The following NDST3 variants were observed in gnomAD, a reference collection of about 807,000 sequenced individuals.
The protein encoded by NDST3 is N-deacetylase and N-sulfotransferase 3, also known as bifunctional heparan sulfate N-deacetylase/N-sulfotransferase 3.
A neutral mutation model predicts 96.1 loss-of-function variants in NDST3; 58 were observed. The ratio of observed to expected loss-of-function variants is 0.60; its 90% CI spans 0.49 to 0.75. The LOEUF (loss-of-function observed/expected upper bound fraction) is 0.75. NDST3 is among the 30% of genes least tolerant of loss of function. The pLI is 0.00. For missense variants in NDST3, 788 were observed against 1,034.2 expected (o/e 0.76, Z 3.27); for synonymous variants, 333 against 359.7 (o/e 0.93, Z 0.84).
chr4:118,250,420 G>A (rs534656804), intron 12 of NDST3, among the ~76,000 whole-genome samples: 87 of 151,070 alleles, frequency 5.8e-4, no homozygotes, highest in African/African-American at 2.1e-3. Flanking sequence ...GATGAATGAT[G>A]TTCAGCAAAT....
At chr4:118,245,095 C>A (rs544016783) in intron 12 of NDST3, among the ~76,000 whole-genome samples, 1 of 152,148 alleles carries the variant, frequency 6.6e-6, no homozygotes, top group East Asian at 1.9e-4. Context: ...TTGAAGCAAT[C>A]ATTTGAAATA....
chr4:118,126,025 T>A (rs1419954940), intron 4 of NDST3, among the ~76,000 whole-genome samples: 3 of 152,054 alleles, frequency 2.0e-5, no homozygotes, highest in African/African-American at 7.2e-5. Flanking sequence ...TTGCGGCTAC[T>A]ACAGGACTCC....
In NDST3 at chr4:118,062,330, G is replaced by A. The variant is rs74853634; in HGVS notation, c.981+7439G>A. On this transcript the variant is annotated intron_variant, in intron 2 of 13. Coordinates refer to ENST00000296499, the MANE Select transcript of NDST3 (RefSeq NM_004784.3). ...ATATATCCATTGCTGCTCACACTGGGAAGATTGGTCCTCCCTGGAAGTCAC... is the reference window on the plus strand; with the variant it reads ...ATATATCCATTGCTGCTCACACTGGAAAGATTGGTCCTCCCTGGAAGTCAC... Among the ~76,000 whole-genome samples the A allele has an allele frequency of 4.7e-4, 72 of 152,096 alleles. 1 individual carries two copies. In the East Asian group the frequency reaches 0.012, roughly 26 times the overall value.
chr4:118,241,923 G>A (rs531354260), intron 11 of NDST3, 117 bp from the exon 12 acceptor site: 5 of 633,506 alleles, frequency 7.9e-6, no homozygotes, highest in Non-Finnish European at 1.4e-5. Flanking sequence ...TAACACCAAT[G>A]CATGCAATTC....
At chr4:118,225,166 A>G (rs1014807913) in intron 7 of NDST3, among the ~76,000 whole-genome samples, 6 of 152,168 alleles carry the variant, frequency 3.9e-5, no homozygotes, top group Admixed American at 3.9e-4. Flanking sequence ...TTAATTGGGG[A>G]TTAATATGGG....
At chr4:118,104,889 T>C in intron 2 of NDST3, 129 bp from the exon 3 acceptor site, 1 of 626,326 alleles carries the variant, frequency 1.6e-6, no homozygotes, top group Non-Finnish European at 2.7e-6. Flanking sequence ...AAAGAAACTA[T>C]TTTCCACCAT....
intron 6 of NDST3, among the ~76,000 whole-genome samples, chr4:118,148,997 T>C (rs1734170467): frequency 6.6e-6 from 1 of 152,092 alleles, no homozygotes; most frequent in African/African-American, 2.4e-5. Flanking sequence ...CCCAGCACCA[T>C]TTATTAAATA....
chr4:118,126,574 C>T (rs1166718362), intron 4 of NDST3, among the ~76,000 whole-genome samples: 2 of 143,900 alleles, frequency 1.4e-5, no homozygotes, highest in Non-Finnish European at 3.0e-5. Flanking sequence ...ATATACCTCA[C>T]TTTCTTTATC....
chr4:118,152,687 C>G (rs946273110), intron 6 of NDST3, among the ~76,000 whole-genome samples: 5 of 152,158 alleles, frequency 3.3e-5, no homozygotes, highest in African/African-American at 4.8e-5. Context: ...ATGCTTTTCA[C>G]ATGTCTAACT....
chr4:118,134,905 G>C (rs1732945549), intron 4 of NDST3, among the ~76,000 whole-genome samples: 1 of 152,120 alleles, frequency 6.6e-6, no homozygotes, highest in African/African-American at 2.4e-5. Context: ...AGACTAATTA[G>C]AATTAACTTT....
intron 6 of NDST3, among the ~76,000 whole-genome samples, chr4:118,152,285 T>C (rs1394137080): frequency 6.6e-6 from 1 of 152,156 alleles, no homozygotes; most frequent in Admixed American, 6.5e-5. Context: ...TGAGTTGATA[T>C]AGTTTAAAGA....
In NDST3 at chr4:118,227,080, TAATGA is replaced by T. The variant is rs1739934400; in HGVS notation, c.1819+100_1819+104del. 1.0e-5 allele frequency: 8 copies of T among 765,834 alleles called. No individual in the cohort carries two copies. In the South Asian group the frequency reaches 1.3e-4, roughly 13 times the overall value. 47.4% of individuals were successfully genotyped at this position (765,834 alleles called of 1,614,324 possible). On this transcript the variant is annotated intron_variant, in intron 8 of 13. Transcript: ENST00000296499. ...AAGTTCGTAAACTTCCCATAACTGC[TAATGA>T]ATGAATAACATGTTTTTCTCTGACA...
At chr4:118,134,706 G>A (rs1007722265) in intron 4 of NDST3, among the ~76,000 whole-genome samples, 1 of 152,166 alleles carries the variant, frequency 6.6e-6, no homozygotes, top group South Asian at 2.1e-4. Flanking sequence ...GGGCTGAGAT[G>A]TGGAAATCAT....
Position 118,054,385 on chromosome 4 carries a change from G to A in NDST3, c.475G>A (p.Val159Met). 1.2e-6 allele frequency: 2 copies of A among 1,613,072 alleles called. No individual in the cohort carries two copies. Among genetic ancestry groups the A allele is most frequent in the Non-Finnish European group, 1.7e-6 (2 of 1,179,410 alleles). The change falls in exon 2 of 14, where the codon GTG (valine) becomes ATG (methionine). Residue 159 changes from valine (V) to methionine (M), a missense_variant. By Grantham distance (21) the Val-to-Met change is conservative. Around this residue, in one of 3 missense-constraint regions of NDST3, gnomAD observed 234 missense variants for 256.9 expected, o/e 0.91. Transcript: ENST00000296499. ...LLDKYCVEYG[V>M]GVIGFHKTSE... The stretch of plus-strand genomic sequence containing the variant: ...AGATAAATACTGTGTAGAATATGGT[G>A]TGGGTGTCATTGGATTCCACAAAAC...
intron 6 of NDST3, among the ~76,000 whole-genome samples, chr4:118,223,140 T>C (rs759514552): frequency 2.0e-5 from 3 of 151,838 alleles, no homozygotes; most frequent in African/African-American, 4.8e-5. Context: ...CACTGAAAAA[T>C]GTGGCATGTA....
chr4:118,042,849 C>T (rs1011860584), intron 1 of NDST3, among the ~76,000 whole-genome samples: 1 of 141,906 alleles, frequency 7.0e-6, no homozygotes, highest in Admixed American at 7.6e-5. Context: ...ACTGACTTTA[C>T]TAAGCTTCAC....
intron 6 of NDST3, among the ~76,000 whole-genome samples, chr4:118,157,958 T>C (rs1482173803): frequency 6.6e-6 from 1 of 152,158 alleles, no homozygotes; most frequent in Non-Finnish European, 1.5e-5. Context: ...AAATATAAAC[T>C]TTATTAATAA....
intron 8 of NDST3, among the ~76,000 whole-genome samples, chr4:118,231,319 G>A (rs1740274853): frequency 6.9e-6 from 1 of 144,952 alleles, no homozygotes. Flanking sequence ...CTGGGCAACA[G>A]AGCAAGACTC....
intron 2 of NDST3, among the ~76,000 whole-genome samples, chr4:118,072,512 T>C (rs1727166978): frequency 6.6e-6 from 1 of 152,138 alleles, no homozygotes; most frequent in African/African-American, 2.4e-5. Flanking sequence ...ATTGTGTTCT[T>C]GATTTGGCAC....
Sources: gnomAD v4.1 joint callset for allele counts (sites outside exome capture counted in the v4.1 genomes callset) on GRCh38, gnomAD v4.1.1 for gene constraint, gnomAD v4.1.1 regional missense constraint, MANE v1.5 for transcripts, NCBI Gene and HGNC (gene_info 2026-07-23, HGNC 2026-07-21) for gene names.